The following PCYOX1 variants were observed in gnomAD, a reference collection of about 807,000 sequenced individuals.
PCYOX1 encodes prenylcysteine lyase.
Under a neutral mutation model 46.4 loss-of-function variants are expected in PCYOX1, and 46 were observed. The observed-to-expected ratio is 0.99, with a 90% CI of 0.78 to 1.27. The LOEUF (loss-of-function observed/expected upper bound fraction) is 1.27, where lower values mean the gene tolerates loss of function less well. Among genes scored for constraint, PCYOX1 ranks in the 50% most tolerant of loss-of-function variants. The pLI is 0.00. For synonymous variants in PCYOX1, 220 were observed against 231.8 expected, an observed-to-expected ratio of 0.95 and a Z score of 0.46; for missense variants, 658 against 628.3, an observed-to-expected ratio of 1.05 and a Z score of -0.51.
chr2:70,277,366 T>G lies in PCYOX1; in HGVS notation c.1492T>G (p.Tyr498Asp). ...HTDMIDQDGL[Y>D]EKLKTEL ...AGACATGATTGATCAGGATGGCTTATATGAGAAACTTAAAACTGAACTATG... is the reference window on the plus strand; with the variant it reads ...AGACATGATTGATCAGGATGGCTTAGATGAGAAACTTAAAACTGAACTATG... The change falls in exon 6 of 6, where the codon TAT becomes GAT. Residue 498 changes from tyrosine to aspartate, a missense_variant. Tyr to Asp is a radical substitution (Grantham distance 160). Transcript: ENST00000433351. The G allele has an allele frequency of 6.2e-7, 1 of 1,600,818 alleles. No homozygotes were observed. Among genetic ancestry groups the G allele is most frequent in the Non-Finnish European group, 8.5e-7 (1 of 1,169,930 alleles).
At position 70,258,227 on chromosome 2, in the gene PCYOX1, C is replaced by A. The variant is rs2104886338; in HGVS notation, c.63C>A (p.Ser21Arg). Reference sequence around the variant, plus strand: ...TGGGGTTGTGGCTGTTGCTGTGCAGCTGCGGATGCCCCGAGGGCGCCGAGC... The same window carrying A: ...TGGGGTTGTGGCTGTTGCTGTGCAGATGCGGATGCCCCGAGGGCGCCGAGC... ...SLLGLWLLLC[S>R]CGCPEGAELR... Residue 21 changes from serine to arginine, a missense_variant, in exon 1 of 6, where the codon AGC becomes AGA. Transcript: ENST00000433351. 6.3e-7 allele frequency: 1 copy of A among 1,596,984 alleles called. No individual in the cohort carries two copies.
At chr2:70,270,016 C>A (rs184154009) in intron 3 of PCYOX1, among the ~76,000 whole-genome samples, 42 of 151,660 alleles carry the variant, frequency 2.8e-4, no homozygotes, top group Admixed American at 2.0e-4. Flanking sequence ...TTTCTTTCGA[C>A]GGAGTCTCCC....
At chr2:70,259,704 G>T (rs914793814) in intron 2 of PCYOX1, 138 bp downstream of exon 2, 18 of 529,196 alleles carry the variant, frequency 3.4e-5, no homozygotes, top group Non-Finnish European at 5.1e-5. Context: ...TCACTTTCTT[G>T]TTAGTTGGTA....
chr2:70,274,607 A>G (rs1573983280), intron 3 of PCYOX1, among the ~76,000 whole-genome samples: 1 of 135,778 alleles, frequency 7.4e-6, no homozygotes, highest in East Asian at 2.1e-4. Flanking sequence ...TGTCTGGCCC[A>G]GGCTGGAGTG....
chr2:70,277,324 C>T lies in PCYOX1; in HGVS notation c.1450C>T (p.Arg484Cys), dbSNP rs752199462. 32 of 1,613,960 alleles carry T rather than the reference C, an allele frequency of 2.0e-5. No homozygotes were observed. The East Asian group carries it at 4.9e-4, about 25-fold the overall frequency. The change falls in exon 6 of 6, where the codon CGC (arginine) becomes TGC (cysteine). Residue 484 changes from arginine to cysteine, a missense_variant. Coordinates refer to ENST00000433351, the MANE Select transcript of PCYOX1 (RefSeq NM_016297.4). ...AHNAALLAYH[R>C]WNGHTDMIDQ... is the part of the protein sequence containing the mutation. ...CAACGCTGCACTCCTTGCCTATCAC[C>T]GCTGGAACGGGCACACAGACATGAT...
chr2:70,265,868 A>G (rs2104892663), intron 3 of PCYOX1, among the ~76,000 whole-genome samples: 1 of 151,994 alleles, frequency 6.6e-6, no homozygotes. Context: ...CCTTCCAGTT[A>G]CTCCTACCAA....
chr2:70,262,615 G>T (rs1696457246), intron 3 of PCYOX1, among the ~76,000 whole-genome samples: 1 of 151,950 alleles, frequency 6.6e-6, no homozygotes, highest in East Asian at 1.9e-4. Flanking sequence ...GAATAGCTGG[G>T]ATTACAGGTG....
Position 70,275,053 on chromosome 2 carries a change from C to G in PCYOX1, c.589C>G (p.Arg197Gly), listed in dbSNP as rs948077676. The part of the protein sequence containing the change: ...GGDDFLGMLN[R>G]TLLETLQKAG... ...AGATGACTTCCTTGGAATGCTTAAT[C>G]GAACACTTCTTGAAACCTTGCAAAA... Residue 197 changes from arginine to glycine, a missense_variant, in exon 4 of 6, where the codon CGA becomes GGA. Physicochemically the swap from Arg to Gly is moderately radical, Grantham distance 125 (BLOSUM62 -2). Transcript: ENST00000433351. The G allele has an allele frequency of 1.2e-6, 2 of 1,613,476 alleles. No individual in the cohort carries two copies. Among genetic ancestry groups the G allele is most frequent in the African/African-American group, 1.3e-5 (1 of 74,924 alleles).
intron 3 of PCYOX1, among the ~76,000 whole-genome samples, chr2:70,263,961 CTTTTTTTTTTTT>C (rs768464001): frequency 2.7e-5 from 3 of 112,326 alleles, no homozygotes; most frequent in African/African-American, 1.0e-4. Flanking sequence ...GCCCGGCCCT[CTTTTTTTTTTTT>C]TTTTTTTTGA....
Position 70,274,983 on chromosome 2 carries a change from C to T in PCYOX1, c.519C>T (p.Asp173=), listed in dbSNP as rs138273732. 6.2e-6 allele frequency: 10 copies of T among 1,609,104 alleles called. No homozygotes were observed. The highest frequency in any genetic ancestry group is 4.0e-5 in the African/African-American group (3 of 74,842). ...GGATCTACCGCTACCAGTCTCATGA[C>T]TATGCCTTCAGTAGTGTCGAAAAAT... ...FMRIYRYQSH[D]YAFSSVEKLL... The change falls in exon 4 of 6, where the codon GAC becomes GAT. Residue 173 remains aspartate (D), a synonymous_variant. Transcript: ENST00000433351.
chr2:70,274,147 G>C (rs1696635287), intron 3 of PCYOX1, among the ~76,000 whole-genome samples: 1 of 151,784 alleles, frequency 6.6e-6, no homozygotes, highest in Non-Finnish European at 1.5e-5. Flanking sequence ...AGTTGTGATT[G>C]AGCCTTATAC....
Position 70,259,506 on chromosome 2 carries a change from G to T in PCYOX1, c.259G>T (p.Ala87Ser), listed in dbSNP as rs1486393615. 1 of 1,613,982 alleles carries T rather than the reference G, an allele frequency of 6.2e-7. No individual in the cohort carries two copies. The highest frequency in any genetic ancestry group is 1.3e-5 in the African/African-American group (1 of 74,920). The change falls in exon 2 of 6, where the codon GCA (alanine) becomes TCA (serine). Residue 87 changes from alanine to serine, a missense_variant. By Grantham distance (99) the Ala-to-Ser change is moderately conservative (BLOSUM62 1). Coordinates refer to ENST00000433351, the MANE Select transcript of PCYOX1 (RefSeq NM_016297.4). ...GATGGTGCAGGGGCAAGAATACGAGGCAGGAGGTTCTGTCATCCATCCTTT... is the reference window on the plus strand; with the variant it reads ...GATGGTGCAGGGGCAAGAATACGAGTCAGGAGGTTCTGTCATCCATCCTTT... ...TMMVQGQEYE[A>S]GGSVIHPLNL...
intron 3 of PCYOX1, among the ~76,000 whole-genome samples, chr2:70,268,656 G>C (rs1018200950): frequency 6.6e-6 from 1 of 151,986 alleles, no homozygotes; most frequent in Non-Finnish European, 1.5e-5. Flanking sequence ...AAAATTAGCT[G>C]GGCGTGGTGG....
At chr2:70,262,398 T>C (rs1223280701) in intron 3 of PCYOX1, among the ~76,000 whole-genome samples, 6 of 151,932 alleles carry the variant, frequency 3.9e-5, no homozygotes, top group African/African-American at 1.5e-4. Context: ...ACTCCTGACC[T>C]CAGGTGATCC....
chr2:70,261,739 C>A (rs2104889247), intron 3 of PCYOX1, among the ~76,000 whole-genome samples: 1 of 152,258 alleles, frequency 6.6e-6, no homozygotes, highest in African/African-American at 2.4e-5. Context: ...AAGGCAAGTT[C>A]ACCCACATAG....
At position 70,258,269 on chromosome 2, in the gene PCYOX1, T is replaced by G. The variant is rs747086362; in HGVS notation, c.105T>G (p.Asp35Glu). Residue 35 changes from aspartate to glutamate, a missense_variant, in exon 1 of 6, where the codon GAT becomes GAG. By Grantham distance (45) the Asp-to-Glu change is conservative. Transcript: ENST00000433351. ...PEGAELRAPP[D>E]KIAIIGAGIG... is the part of the protein sequence containing the mutation. ...GCGCCGAGCTGCGTGCTCCGCCAGA[T>G]AAAATCGGTAGGCGAGAAGGGGGCG... The G allele has an allele frequency of 2.4e-5, 38 of 1,584,716 alleles. No homozygotes were observed. The South Asian group carries it at 4.2e-4, about 18-fold the overall frequency.
At chr2:70,274,860 A>C in intron 3 of PCYOX1, 99 bp from the exon 4 acceptor site, 1 of 796,390 alleles carries the variant, frequency 1.3e-6, no homozygotes. Flanking sequence ...CACTGCACCT[A>C]GATGTCAGTT....
At chr2:70,274,896 C>T in intron 3 of PCYOX1, 63 bp from the exon 4 acceptor site, 1 of 1,032,154 alleles carries the variant, frequency 9.7e-7, no homozygotes, top group Non-Finnish European at 1.5e-6. Flanking sequence ...CACTTCCCTT[C>T]TTTATACATC....
At chr2:70,274,005 T>C (rs1210794631) in intron 3 of PCYOX1, among the ~76,000 whole-genome samples, 1 of 152,030 alleles carries the variant, frequency 6.6e-6, no homozygotes, top group Non-Finnish European at 1.5e-5. Context: ...GGGAAGTGTA[T>C]TCAGGTTGGA....
Sources: gnomAD v4.1 joint callset for allele counts (sites outside exome capture counted in the v4.1 genomes callset) on GRCh38, gnomAD v4.1.1 for gene constraint, MANE v1.5 for transcripts, NCBI Gene and HGNC (gene_info 2026-07-23, HGNC 2026-07-21) for gene names.